Variants in ACSL1 observed in about 807,000 individuals in gnomAD.
ACSL1 encodes the protein long-chain-fatty-acid--CoA ligase 1.
Under a neutral mutation model 98.4 loss-of-function variants are expected in ACSL1, and 41 were observed. The ratio of observed to expected loss-of-function variants is 0.42; its 90% CI spans 0.32 to 0.54. ACSL1 has a LOEUF of 0.54. Ranked by LOEUF, ACSL1 falls within the 20% of genes least tolerant of loss-of-function variation. The pLI is 0.13. For synonymous variants in ACSL1, 316 were observed against 322.7 expected, an observed-to-expected ratio of 0.98 and a Z score of 0.22; for missense variants, 734 against 883.1, an observed-to-expected ratio of 0.83 and a Z score of 2.14.
intron 1 of ACSL1, among the ~76,000 whole-genome samples, chr4:184,806,022 C>A (rs920475351): frequency 6.6e-6 from 1 of 152,202 alleles, no homozygotes; most frequent in African/African-American, 2.4e-5. Flanking sequence ...CAGATTTATT[C>A]TAGACGAATA....
At chr4:184,759,372 A>G (rs946707855) in intron 18 of ACSL1, among the ~76,000 whole-genome samples, 3 of 152,230 alleles carry the variant, frequency 2.0e-5, no homozygotes, top group Non-Finnish European at 2.9e-5. Context: ...CTGCACAGCA[A>G]AAGAAACTAC....
chr4:184,795,399 T>C (rs1228194010), intron 2 of ACSL1, among the ~76,000 whole-genome samples: 1 of 152,248 alleles, frequency 6.6e-6, no homozygotes, highest in Non-Finnish European at 1.5e-5. Context: ...AGAAGCGACA[T>C]CATTTGTACA....
At position 184,766,786 on chromosome 4, in the gene ACSL1, A is replaced by G; in HGVS notation, c.1129-30T>C. 1 of 1,600,150 alleles carries G rather than the reference A, an allele frequency of 6.2e-7. No homozygotes were observed. Among genetic ancestry groups the G allele is most frequent in the Non-Finnish European group, 8.6e-7 (1 of 1,169,326 alleles). Reference sequence around the variant, plus strand: ...TGAGGCAAGACATGAGAAAGTTTTCACACCTACTAGGATGGCCAGAGTCAA... The same window carrying G: ...TGAGGCAAGACATGAGAAAGTTTTCGCACCTACTAGGATGGCCAGAGTCAA... On this transcript the variant is annotated intron_variant, in intron 12 of 20. Coordinates refer to ENST00000281455, the MANE Select transcript of ACSL1 (RefSeq NM_001995.5). This position sits in a 1 kb window ranked among gnomAD's most constrained non-coding sequence, Gnocchi z 4.8.
intron 18 of ACSL1, chr4:184,758,772 T>C (rs935758594): frequency 1.3e-5 from 2 of 152,228 alleles, no homozygotes; most frequent in African/African-American, 4.8e-5. Flanking sequence ...TTTCTTTTTT[T>C]TTTAAATTAT....
chr4:184,770,495 G>A lies in ACSL1; in HGVS notation c.916-19C>T, dbSNP rs776770544. ...CTGTATTCTGTAAGCAAAGACACCA[G>A]CAAGGCAGAAAAGCATTAAGACTCC... On this transcript the variant is annotated intron_variant, in intron 10 of 20. Coordinates refer to ENST00000281455, the MANE Select transcript of ACSL1 (RefSeq NM_001995.5). 8 of 1,474,452 alleles carry A rather than the reference G, an allele frequency of 5.4e-6. No homozygotes were observed. In the South Asian group the frequency reaches 5.6e-5, roughly 10 times the overall value. The allele number at this position is 1,474,452 out of a possible 1,614,324, so 91.3% of individuals were successfully genotyped here. A position where few individuals can be genotyped will look rare whatever the true frequency, so the allele number is the denominator to read the frequency against.
In ACSL1 at chr4:184,760,347, A is replaced by C. The variant is rs747099011; in HGVS notation, c.1782+10T>G. 1.4e-5 allele frequency: 23 copies of C among 1,613,798 alleles called. No individual in the cohort carries two copies. In the South Asian group the frequency reaches 2.4e-4, roughly 17 times the overall value. On this transcript the variant is annotated intron_variant, in intron 18 of 20. Coordinates refer to ENST00000281455, the MANE Select transcript of ACSL1 (RefSeq NM_001995.5). Reference sequence around the variant, plus strand: ...TATGCAGCAAGATTCAAGACCCAGAAAGCACATACCTGCAGGCTTTCTCCG... The same window carrying C: ...TATGCAGCAAGATTCAAGACCCAGACAGCACATACCTGCAGGCTTTCTCCG...
At chr4:184,772,875 T>G (rs182208848) in intron 10 of ACSL1, among the ~76,000 whole-genome samples, 3 of 152,286 alleles carry the variant, frequency 2.0e-5, no homozygotes, top group African/African-American at 7.2e-5. Context: ...TTCACCTTAA[T>G]TATCATAAGG....
Position 184,776,938 on chromosome 4 carries a change from C to T in ACSL1, c.523G>A (p.Val175Ile), listed in dbSNP as rs145945378. The change falls in exon 6 of 21, where the codon GTT (valine) becomes ATT (isoleucine). Residue 175 changes from valine to isoleucine, a missense_variant. Transcript: ENST00000281455. ...TTTCCAAGGGTATCATAAAGTGGAA[C>T]GATCACCATCGAATAAGCAAAGCAT... ...QGCFAYSMVI[V>I]PLYDTLGNEA... The T allele has an allele frequency of 5.2e-5, 84 of 1,614,080 alleles. No homozygotes were observed. The highest frequency in any genetic ancestry group is 4.3e-4 in the African/African-American group (32 of 74,996).
intron 7 of ACSL1, among the ~76,000 whole-genome samples, chr4:184,775,287 T>A (rs1204368468): frequency 1.3e-5 from 2 of 152,094 alleles, no homozygotes; most frequent in African/African-American, 2.4e-5. Flanking sequence ...TGTAAAACAA[T>A]GTCTTCTATA....
At chr4:184,797,527 G>A (rs1769642354) in intron 2 of ACSL1, among the ~76,000 whole-genome samples, 1 of 152,152 alleles carries the variant, frequency 6.6e-6, no homozygotes, top group African/African-American at 2.4e-5. Flanking sequence ...GTTTGTTCAT[G>A]CAGGCCATGA....
In ACSL1 at chr4:184,803,320, C is replaced by A; in HGVS notation, c.195G>T (p.Ala65=). Residue 65 remains alanine, a splice_region_variant and synonymous_variant, in exon 2 of 21, where the codon GCG becomes GCT. Coordinates refer to ENST00000281455, the MANE Select transcript of ACSL1 (RefSeq NM_001995.5). The surrounding 1 kb of genome is among the most constrained non-coding windows in gnomAD (Gnocchi z 4.8). ...GAGGCAGGCTGGGCCCTCCACTCAC[C>A]GCCACTTCCACTGACTGCATGGAGA... ...CDLSMQSVEV[A]GSGGARRSAL... is the part of the protein sequence containing the mutation. 1 of 1,573,958 alleles carries A rather than the reference C, an allele frequency of 6.4e-7. No individual in the cohort carries two copies. The highest frequency in any genetic ancestry group is 8.6e-7 in the Non-Finnish European group (1 of 1,157,480).
chr4:184,771,850 C>A (rs750483845), intron 10 of ACSL1, among the ~76,000 whole-genome samples: 2 of 152,136 alleles, frequency 1.3e-5, no homozygotes, highest in African/African-American at 2.4e-5. Context: ...CCCAGAAGCA[C>A]TGGATGTGGG....
chr4:184,773,883 A>G lies in ACSL1; in HGVS notation c.757-8T>C, dbSNP rs1764878854. On this transcript the variant is annotated splice_polypyrimidine_tract_variant and splice_region_variant and intron_variant, in intron 7 of 20. Transcript: ENST00000281455. This position sits in a 1 kb window ranked among gnomAD's most constrained non-coding sequence, Gnocchi z 4.3. The stretch of plus-strand genomic sequence containing the variant: ...GTTGGCTCTTCCCAGGTCCTTAATT[A>G]GAAGAGAAAAAAAGTCTTAAATGGA... 4 of 1,613,918 alleles carry G rather than the reference A, an allele frequency of 2.5e-6. No individual in the cohort carries two copies. The East Asian group carries it at 6.7e-5, about 27-fold the overall frequency.
At chr4:184,808,484 A>C (rs1771709620) in intron 1 of ACSL1, 1 of 985,334 alleles carries the variant, frequency 1.0e-6, no homozygotes, top group African/African-American at 1.7e-5. Flanking sequence ...CAAATTAAGA[A>C]AGCCTGACAT....
Position 184,765,952 on chromosome 4 carries a change from G to C in ACSL1, c.1298C>G (p.Thr433Arg). The C allele has an allele frequency of 1.2e-6, 2 of 1,614,010 alleles. No homozygotes were observed. Among genetic ancestry groups the C allele is most frequent in the Non-Finnish European group, 1.7e-6 (2 of 1,179,960 alleles). The change falls in exon 14 of 21, where the codon ACA becomes AGA. Residue 433 changes from threonine (T) to arginine (R), a missense_variant. Physicochemically the swap from Thr to Arg is moderately conservative, Grantham distance 71. Coordinates refer to ENST00000281455, the MANE Select transcript of ACSL1 (RefSeq NM_001995.5). ...SLGGRVRLMV[T>R]GAAPVSATVL... is the part of the protein sequence containing the mutation. ...AGTGGCAGACACCGGGGCGGCTCCTGTCACCATCAGCCGGACTCTTCCGCC... is the reference window on the plus strand; with the variant it reads ...AGTGGCAGACACCGGGGCGGCTCCTCTCACCATCAGCCGGACTCTTCCGCC...
chr4:184,777,152 C>A (rs1765418000), intron 5 of ACSL1, among the ~76,000 whole-genome samples, 169 bp from the exon 6 acceptor site: 1 of 152,208 alleles, frequency 6.6e-6, no homozygotes, highest in African/African-American at 2.4e-5. Flanking sequence ...AGAATGAGAA[C>A]AAAACACATG....
At chr4:184,808,260 C>T (rs908996315) in intron 1 of ACSL1, 19 of 938,324 alleles carry the variant, frequency 2.0e-5, no homozygotes, top group Middle Eastern at 5.5e-4. Context: ...CACACACACA[C>T]TGCCCCTGCA....
chr4:184,794,998 G>GA (rs1170018322), intron 2 of ACSL1, among the ~76,000 whole-genome samples: 2 of 151,598 alleles, frequency 1.3e-5, no homozygotes, highest in South Asian at 2.1e-4. Flanking sequence ...CTCATCACCA[G>GA]AAAAAAAATC....
rs772759019 is a variant in ACSL1 at position 184,763,228 on chromosome 4, T to G, written c.1460A>C (p.Asn487Thr). 6.2e-7 allele frequency: 1 copy of G among 1,614,112 alleles called. No individual in the cohort carries two copies. Among genetic ancestry groups the G allele is most frequent in the South Asian group, 1.1e-5 (1 of 91,078 alleles). ...TTCCACATCAACAAGTTTTATCAAA[T>G]TGCACGGCATCGGGGCCCCAACATG... ...AGHVGAPMPC[N>T]LIKLVDVEEM... The change falls in exon 16 of 21, where the codon AAT becomes ACT. Residue 487 changes from asparagine to threonine, a missense_variant. By Grantham distance (65) the Asn-to-Thr change is moderately conservative. Transcript: ENST00000281455.
Sources: gnomAD v4.1 joint callset for allele counts (sites outside exome capture counted in the v4.1 genomes callset) on GRCh38, gnomAD v4.1.1 for gene constraint, Gnocchi (gnomAD v3.1) non-coding constraint, MANE v1.5 for transcripts, NCBI Gene and HGNC (gene_info 2026-07-23, HGNC 2026-07-21) for gene names.